PDXDC1: variants seen among roughly 807,000 people sequenced by gnomAD.
The protein encoded by PDXDC1 is pyridoxal-dependent decarboxylase domain-containing protein 1.
PDXDC1 carries 42 observed loss-of-function variants against 100.1 expected under a neutral mutation model. That is an observed-to-expected ratio of 0.42 (90% CI 0.33 to 0.54). The LOEUF is 0.54. Ranked by LOEUF, PDXDC1 falls within the 20% of genes least tolerant of loss-of-function variation. The pLI, the probability that PDXDC1 is intolerant of heterozygous loss-of-function variation, is 0.10. For missense variants in PDXDC1, 636 were observed against 979.2 expected (o/e 0.65, Z 4.68); for synonymous variants, 260 against 371.7 (o/e 0.70, Z 3.46).
intron 16 of PDXDC1, among the ~76,000 whole-genome samples, chr16:15,062,472 T>G (rs1205458743): frequency 1.3e-5 from 2 of 152,172 alleles, no homozygotes; most frequent in African/African-American, 4.8e-5. Context: ...AGAAAACAAA[T>G]GTGCTCCCAA....
chr16:15,073,036 T>C, intron 16 of PDXDC1: 1 of 1,613,174 alleles, frequency 6.2e-7, no homozygotes, highest in South Asian at 1.1e-5. Flanking sequence ...AAGATGTTTA[T>C]CAGGTCGCGA....
intron 16 of PDXDC1, among the ~76,000 whole-genome samples, chr16:15,062,602 T>C (rs2044758448): frequency 6.6e-6 from 1 of 152,186 alleles, no homozygotes; most frequent in Non-Finnish European, 1.5e-5. Flanking sequence ...TCACCACCCA[T>C]TCATGAAGAT....
chr16:15,062,827 G>A (rs1306454511), intron 16 of PDXDC1, among the ~76,000 whole-genome samples: 3 of 152,320 alleles, frequency 2.0e-5, no homozygotes, highest in Non-Finnish European at 4.4e-5. Context: ...CCTGGGCCTG[G>A]AATTTTATAA....
At chr16:15,038,628 T>C (rs915274515), downstream of PDXDC1, 3 of 1,610,584 alleles carry the variant, frequency 1.9e-6, no homozygotes, top group Non-Finnish European at 2.5e-6. Flanking sequence ...GTGGAAATGG[T>C]GTCCAGGAGT....
intron 16 of PDXDC1, among the ~76,000 whole-genome samples, chr16:15,057,961 C>T (rs1006146520): frequency 1.3e-5 from 2 of 152,206 alleles, no homozygotes; most frequent in Non-Finnish European, 2.9e-5. Context: ...AAACCACTCC[C>T]CTACCTCTCT....
chr16:14,998,674 C>T, intron 3 of PDXDC1, among the ~76,000 whole-genome samples: 1 of 152,290 alleles, frequency 6.6e-6, no homozygotes. Context: ...GTTTCTAACT[C>T]CTGACCTTCA....
chr16:15,097,536 G>T (rs2046399399), intron 16 of PDXDC1, among the ~76,000 whole-genome samples: 1 of 150,348 alleles, frequency 6.7e-6, no homozygotes, highest in Non-Finnish European at 1.5e-5. Flanking sequence ...CAGCTACTTG[G>T]GAAGCTGAGG....
At chr16:15,056,541 C>T (rs530032813) in intron 16 of PDXDC1, among the ~76,000 whole-genome samples, 1 of 151,984 alleles carries the variant, frequency 6.6e-6, no homozygotes, top group South Asian at 2.1e-4. Context: ...TTTGGGGGGC[C>T]GAGGCAGGAG....
At chr16:15,096,531 G>A (rs1250769326) in intron 16 of PDXDC1, among the ~76,000 whole-genome samples, 2 of 152,240 alleles carry the variant, frequency 1.3e-5, no homozygotes, top group Non-Finnish European at 2.9e-5. Context: ...GGAATCATCT[G>A]TGTCTCAAGG....
chr16:15,074,740 T>C, intron 16 of PDXDC1: 2 of 1,613,850 alleles, frequency 1.2e-6, no homozygotes, highest in Non-Finnish European at 1.7e-6. Flanking sequence ...ATAGCAGACA[T>C]CCTTCATGTA....
chr16:15,034,223 T>C, intron 19 of PDXDC1, 63 bp from the exon 20 acceptor site: 1 of 1,414,966 alleles, frequency 7.1e-7, no homozygotes, highest in Non-Finnish European at 1.0e-6. Flanking sequence ...GCTGTGTTAC[T>C]AGCTCTTCTG....
intron 16 of PDXDC1, chr16:15,104,429 GCT>G: frequency 4.1e-6 from 6 of 1,452,914 alleles, no homozygotes; most frequent in South Asian, 1.3e-5. Flanking sequence ...ATTATCATCC[GCT>G]GAGGGTGGAG....
At chr16:15,077,123 T>G (rs2966185) in intron 16 of PDXDC1, among the ~76,000 whole-genome samples, 98,690 of 150,722 alleles carry the variant, frequency 0.65, 34,004 homozygotes, top group Non-Finnish European at 0.76. Context: ...GGGATTACAG[T>G]CATGTGCCAC....
At position 15,065,151 on chromosome 16, in the gene PDXDC1, G is replaced by GT. The variant is rs2044910361; in HGVS notation, c.1399+35096dup. ...ACCGCACTCCAGCCTGGGCGACAGA[G>GT]TGAGACTCCGTCTCAAAAAAAAAAA... On this transcript the variant is annotated intron_variant, in intron 16 of 16. Transcript: ENST00000535621. 17 of 1,488,666 alleles carry GT rather than the reference G, an allele frequency of 1.1e-5. No homozygotes were observed. In the East Asian group the frequency reaches 3.9e-4, roughly 34 times the overall value. The allele number at this position is 1,488,666 out of a possible 1,614,324, so 92.2% of individuals were successfully genotyped here.
chr16:15,001,626 A>G (rs1284525472), intron 3 of PDXDC1, 150 bp from the exon 4 acceptor site: 17 of 516,686 alleles, frequency 3.3e-5, no homozygotes, highest in Admixed American at 3.0e-4. Flanking sequence ...TTTAAAAAGC[A>G]TAAACTATAT....
At position 15,032,939 on chromosome 16, in the gene PDXDC1, G is replaced by T. The variant is rs1381102176; in HGVS notation, c.1650G>T (p.Lys550Asn). Residue 550 changes from lysine to asparagine, a missense_variant, in exon 18 of 23, where the codon AAG becomes AAT. Physicochemically the swap from Lys to Asn is moderately conservative, Grantham distance 94. Transcript: ENST00000396410. ...EGENIHAGLL[K>N]KLNELESDLT... ...AAAACATCCATGCTGGACTCCTGAA[G>T]AAGTTAAATGAACTGGAATCTGACC... The T allele has an allele frequency of 6.2e-7, 1 of 1,609,470 alleles. No individual in the cohort carries two copies. The highest frequency in any genetic ancestry group is 1.3e-5 in the African/African-American group (1 of 74,870).
intron 16 of PDXDC1, chr16:15,128,333 G>A (rs780999596): frequency 2.8e-5 from 45 of 1,609,084 alleles, no homozygotes; most frequent in East Asian, 6.7e-5. Flanking sequence ...TCCAGGTGCC[G>A]GTGGCCGCTC....
intron 17 of PDXDC1, chr16:15,032,484 T>G: frequency 5.7e-6 from 1 of 176,294 alleles, no homozygotes; most frequent in Non-Finnish European, 1.2e-5. Flanking sequence ...CGAAACCCCA[T>G]CTCTAGAAAA....
chr16:15,125,963 G>A (rs1402043186), intron 16 of PDXDC1: 1 of 604,106 alleles, frequency 1.7e-6, no homozygotes, highest in Admixed American at 2.8e-5. Flanking sequence ...CGTCCGTGAT[G>A]GCAGCCCCTC....
Sources: gnomAD v4.1 joint callset for allele counts (sites outside exome capture counted in the v4.1 genomes callset) on GRCh38, gnomAD v4.1.1 for gene constraint, MANE v1.5 for transcripts, NCBI Gene and HGNC (gene_info 2026-07-23, HGNC 2026-07-21) for gene names.